The following FARP1 variants were observed in gnomAD, a reference collection of about 807,000 sequenced individuals.
FARP1 encodes FERM, ARH/RhoGEF and pleckstrin domain protein 1, also known as FERM, ARHGEF and pleckstrin domain-containing protein 1.
A neutral mutation model predicts 128.8 loss-of-function variants in FARP1; 52 were observed. The observed-to-expected ratio is 0.40, with a 90% confidence interval of 0.32 to 0.51. FARP1 has a LOEUF of 0.51. FARP1 is among the 20% of genes least tolerant of loss of function. The pLI, the probability that FARP1 is intolerant of heterozygous loss-of-function variation, is 0.45. For synonymous variants in FARP1, 580 were observed against 551.8 expected (o/e 1.05, Z -0.72); for missense variants, 1,333 against 1,367.9 (o/e 0.97, Z 0.40).
chr13:98,206,412 A>G (rs1208727468), intron 1 of FARP1, among the ~76,000 whole-genome samples: 1 of 152,158 alleles, frequency 6.6e-6, no homozygotes, highest in African/African-American at 2.4e-5. Context: ...GAATCTGCAC[A>G]CCTGTCCCTG....
intron 13 of FARP1, 97 bp downstream of exon 13, chr13:98,395,573 C>CGTCCCGATCCCG (rs368126610): frequency 1.7e-5 from 24 of 1,399,692 alleles, no homozygotes; most frequent in Admixed American, 1.2e-4. Flanking sequence ...AGAGAACAAG[C>CGTCCCGATCCCG]GTCCCGATCC....
chr13:98,370,944 C>G (rs947975818), intron 5 of FARP1, among the ~76,000 whole-genome samples: 5 of 152,196 alleles, frequency 3.3e-5, no homozygotes, highest in Admixed American at 6.6e-5. Flanking sequence ...CGGGTCTGCA[C>G]AGGACTGAGG....
chr13:98,215,864 C>A (rs1398270477), intron 2 of FARP1, among the ~76,000 whole-genome samples: 1 of 151,634 alleles, frequency 6.6e-6, no homozygotes, highest in Non-Finnish European at 1.5e-5. Context: ...GATCTCAGCT[C>A]ATTGCAAACT....
rs1197644655 is a variant in FARP1, at chr13:98,384,784, A to C, written c.551A>C (p.Lys184Thr). The C allele has an allele frequency of 4.3e-6, 7 of 1,613,816 alleles. No individual in the cohort carries two copies. Among genetic ancestry groups the C allele is most frequent in the Non-Finnish European group, 5.9e-6 (7 of 1,179,856 alleles). The part of the protein sequence containing the change: ...ALDREHLAKN[K>T]YIPQQDALED... ...GACAGAGAGCACTTAGCAAAAAATA[A>C]ATACATACCTCAGCAAGACGCACTA... Residue 184 changes from lysine to threonine, a missense_variant, in exon 7 of 27, where the codon AAA (lysine) becomes ACA (threonine). By Grantham distance (78) the Lys-to-Thr change is moderately conservative (BLOSUM62 -1). Transcript: ENST00000319562.
intron 26 of FARP1, 192 bp from the exon 27 acceptor site, chr13:98,448,044 G>A: frequency 3.3e-6 from 2 of 607,856 alleles, no homozygotes; most frequent in Admixed American, 2.8e-5. Context: ...CTGAGTGAGT[G>A]CCCAGGCCAG....
At chr13:98,209,374 C>T (rs1029352791) in intron 1 of FARP1, among the ~76,000 whole-genome samples, 3 of 151,354 alleles carry the variant, frequency 2.0e-5, no homozygotes, top group African/African-American at 7.3e-5. Flanking sequence ...AGTGCTGAGC[C>T]ACAGTGAGCC....
intron 3 of FARP1, among the ~76,000 whole-genome samples, chr13:98,353,528 G>A (rs578165188): frequency 1.3e-5 from 2 of 152,198 alleles, no homozygotes; most frequent in South Asian, 4.2e-4. Context: ...ACAGGCATGT[G>A]CAACCATGCC....
intron 2 of FARP1, among the ~76,000 whole-genome samples, chr13:98,273,424 A>G (rs1207273790): frequency 1.3e-5 from 2 of 152,174 alleles, no homozygotes; most frequent in Non-Finnish European, 2.9e-5. Flanking sequence ...AGTTGTGCCT[A>G]AACTCCAAAA....
intron 2 of FARP1, among the ~76,000 whole-genome samples, chr13:98,298,503 G>C (rs1384640946): frequency 2.0e-5 from 3 of 152,066 alleles, no homozygotes; most frequent in Admixed American, 1.3e-4. Context: ...TGAAAGAGTT[G>C]GTTGGGATGA....
At chr13:98,435,031 G>C (rs1284687054) in intron 18 of FARP1, 1 of 152,288 alleles carries the variant, frequency 6.6e-6, no homozygotes, top group African/African-American at 2.4e-5. Context: ...GAATTCTACA[G>C]CAATTCTTCA....
intron 2 of FARP1, chr13:98,244,803 G>T (rs1566788069): frequency 6.5e-7 from 1 of 1,539,696 alleles, no homozygotes; most frequent in East Asian, 2.3e-5. Flanking sequence ...ACACATTTCA[G>T]TGCCCAATAA....
chr13:98,329,034 A>G (rs1167517182), intron 2 of FARP1: 2 of 152,130 alleles, frequency 1.3e-5, no homozygotes, highest in Non-Finnish European at 2.9e-5. Context: ...AAAACTCAAC[A>G]CATCGATGGA....
intron 3 of FARP1, among the ~76,000 whole-genome samples, chr13:98,351,430 G>A (rs1278971793): frequency 6.6e-6 from 1 of 152,074 alleles, no homozygotes; most frequent in Non-Finnish European, 1.5e-5. Context: ...GGCTAACAGG[G>A]TGAAACCCCG....
At chr13:98,436,149 A>AT (rs1346410143) in intron 19 of FARP1, 3 of 209,740 alleles carry the variant, frequency 1.4e-5, no homozygotes, top group Non-Finnish European at 2.9e-5. Context: ...TCCATATATA[A>AT]TTTAATTTGA....
rs1241552849 is a variant in FARP1, at chr13:98,452,331, T to C, written c.*4014T>C. ...ACAAATGTCAGACGAGAGCGCTTCA[T>C]GGGGAGAAACTGAAAATTATAATTT... On this transcript the variant is annotated 3_prime_UTR_variant, in exon 27 of 27. Transcript: ENST00000319562. The C allele has an allele frequency of 6.6e-6, 1 of 152,554 alleles. No individual in the cohort carries two copies. Among genetic ancestry groups the C allele is most frequent in the Non-Finnish European group, 1.5e-5 (1 of 68,000 alleles). 9.5% of individuals were successfully genotyped at this position (152,554 alleles called of 1,614,324 possible).
chr13:98,376,115 G>T (rs1462223200), intron 5 of FARP1, among the ~76,000 whole-genome samples: 2 of 152,126 alleles, frequency 1.3e-5, no homozygotes, highest in Non-Finnish European at 2.9e-5. Flanking sequence ...ATGACCTTAA[G>T]TATTTATCCT....
At chr13:98,297,787 C>G (rs1885763698) in intron 2 of FARP1, among the ~76,000 whole-genome samples, 1 of 152,192 alleles carries the variant, frequency 6.6e-6, no homozygotes, top group Non-Finnish European at 1.5e-5. Context: ...GCTTCACCCC[C>G]ACCAATAGGA....
chr13:98,385,806 G>C lies in FARP1; in HGVS notation c.751G>C (p.Val251Leu), dbSNP rs1339674072. 10 of 1,613,952 alleles carry C rather than the reference G, an allele frequency of 6.2e-6. No individual in the cohort carries two copies. The highest frequency in any genetic ancestry group is 8.5e-6 in the Non-Finnish European group (10 of 1,180,032). Reference protein sequence around the residue: ...NLAVANTGILVFQGFTKINAF... With the variant: ...NLAVANTGILLFQGFTKINAF... ...GGCCGTTGCCAACACGGGAATTCTA[G>C]TGTTTCAGGTGAGAGCCTTGAGAAC... Residue 251 changes from valine to leucine, a missense_variant, in exon 8 of 27, where the codon GTG becomes CTG. Physicochemically the swap from Val to Leu is conservative, Grantham distance 32 (BLOSUM62 1). This residue lies in a region of FARP1 where 324 missense variants were observed against 398.1 expected (regional missense o/e 0.81). Transcript: ENST00000319562.
chr13:98,425,260 A>G (rs1479923051), intron 17 of FARP1, among the ~76,000 whole-genome samples: 1 of 152,060 alleles, frequency 6.6e-6, no homozygotes, highest in Non-Finnish European at 1.5e-5. Context: ...ATTTTCAGTC[A>G]GTTGTTTTGG....
Sources: gnomAD v4.1 joint callset for allele counts (sites outside exome capture counted in the v4.1 genomes callset) on GRCh38, gnomAD v4.1.1 for gene constraint, gnomAD v4.1.1 regional missense constraint, MANE v1.5 for transcripts, NCBI Gene and HGNC (gene_info 2026-07-23, HGNC 2026-07-21) for gene names.